Variants in ETNK2 observed in about 807,000 individuals in gnomAD.
ETNK2 encodes ethanolamine kinase 2.
ETNK2 carries 33 observed loss-of-function variants against 46.2 expected under a neutral mutation model. The ratio of observed to expected loss-of-function variants is 0.71; its 90% CI spans 0.54 to 0.96. The LOEUF is 0.96. Ranked by LOEUF, ETNK2 falls within the 40% of genes least tolerant of loss-of-function variation. The pLI is 0.00. For missense variants in ETNK2, 445 were observed against 509.7 expected (o/e 0.87, Z 1.22); for synonymous variants, 194 against 209.0 (o/e 0.93, Z 0.62).
At chr1:204,142,791 C>G (rs973681732) in intron 3 of ETNK2, 5 of 152,256 alleles carry the variant, frequency 3.3e-5, no homozygotes, top group Admixed American at 6.5e-5. Flanking sequence ...TCCTCTGCCC[C>G]CTCTGGAGAA....
At chr1:204,136,166 T>G (rs1417390771) in intron 6 of ETNK2, among the ~76,000 whole-genome samples, 1 of 151,908 alleles carries the variant, frequency 6.6e-6, no homozygotes, top group African/African-American at 2.4e-5. Flanking sequence ...GAGGCTGAGG[T>G]GGGAGGATCA....
intron 2 of ETNK2, among the ~76,000 whole-genome samples, chr1:204,149,249 G>T (rs867871597): frequency 6.6e-6 from 1 of 152,216 alleles, no homozygotes; most frequent in South Asian, 2.1e-4. Flanking sequence ...TGGCAGAAGA[G>T]ATAGCATCTC....
In ETNK2 at chr1:204,152,013, G is replaced by T. The variant is rs905799718; in HGVS notation, c.-161C>A. The T allele has an allele frequency of 4.1e-6, 3 of 735,432 alleles. No homozygotes were observed. The highest frequency in any genetic ancestry group is 5.6e-6 in the Non-Finnish European group (3 of 534,720). The allele number at this position is 735,432 out of a possible 1,614,324, so 45.6% of individuals were successfully genotyped here. ...GGCTCGCGGCCCGCCGCCCACCGCC[G>T]ACCCCGGAGCGCCGCGGCCCGCCGC... On this transcript the variant is annotated 5_prime_UTR_variant, in exon 1 of 8. Transcript: ENST00000367202. This position sits in a 1 kb window ranked among gnomAD's most constrained non-coding sequence, Gnocchi z 4.2.
intron 3 of ETNK2, 133 bp downstream of exon 3, chr1:204,146,509 C>T: frequency 9.6e-7 from 1 of 1,037,576 alleles, no homozygotes; most frequent in Non-Finnish European, 1.4e-6. Context: ...ACTGAAGGGA[C>T]TGCAGGAGAA....
rs768188076 is a variant in ETNK2, at chr1:204,149,827, G to A, written c.394C>T (p.Gln132Ter). 1 of 1,606,774 alleles carries A rather than the reference G, an allele frequency of 6.2e-7. No individual in the cohort carries two copies. ...VDRENEVRNF[Q>*]LLRAHSCAPK... The stretch of plus-strand genomic sequence containing the variant: ...GCACAGCTGTGTGCTCGCAGCAGCT[G>A]GAAGTTTCTGACCTCATTCTCCCGG... The change falls in exon 2 of 8, where the codon CAG becomes TAG. Residue 132 changes from glutamine to a stop codon, truncating the protein, a stop_gained. Coordinates refer to ENST00000367202, the MANE Select transcript of ETNK2 (RefSeq NM_018208.4). LOFTEE classifies it high-confidence loss of function.
At chr1:204,133,481 CT>C (rs55983645) in intron 7 of ETNK2, among the ~76,000 whole-genome samples, 48 of 143,860 alleles carry the variant, frequency 3.3e-4, no homozygotes, top group Middle Eastern at 7.0e-3. Flanking sequence ...CCATGCTTTG[CT>C]TTTTTTTTTA....
intron 3 of ETNK2, among the ~76,000 whole-genome samples, chr1:204,144,206 C>CTAATTA (rs1657678869): frequency 6.6e-6 from 1 of 151,664 alleles, no homozygotes. Context: ...ATTAGCCGGG[C>CTAATTA]GTGGTGGTGG....
intron 4 of ETNK2, chr1:204,141,096 G>A (rs1273526384): frequency 1.5e-6 from 1 of 664,618 alleles, no homozygotes; most frequent in Non-Finnish European, 2.8e-6. Context: ...AAACTGCTGG[G>A]ATTATAGGCA....
At chr1:204,134,647 A>G in intron 6 of ETNK2, 59 bp from the exon 7 acceptor site, 3 of 1,614,004 alleles carry the variant, frequency 1.9e-6, no homozygotes, top group Non-Finnish European at 2.5e-6. Flanking sequence ...TTCCGACTCT[A>G]CAGCACTGGA....
chr1:204,137,067 T>C, intron 6 of ETNK2, 37 bp downstream of exon 6: 3 of 1,609,044 alleles, frequency 1.9e-6, no homozygotes, highest in Middle Eastern at 1.7e-4. Flanking sequence ...TGCTAACTCC[T>C]CCTTTCCTGC....
chr1:204,135,389 T>A (rs1025704916), intron 6 of ETNK2, among the ~76,000 whole-genome samples: 1 of 151,994 alleles, frequency 6.6e-6, no homozygotes, highest in Non-Finnish European at 1.5e-5. Context: ...GTTACCTATA[T>A]AACAAACCTG....
rs750284336 is a variant in ETNK2 at position 204,140,072 on chromosome 1, T to C, written c.831A>G (p.Gln277=). 1 of 1,613,898 alleles carries C rather than the reference T, an allele frequency of 6.2e-7. No individual in the cohort carries two copies. Among genetic ancestry groups the C allele is most frequent in the South Asian group, 1.1e-5 (1 of 91,078 alleles). The change falls in exon 5 of 8, where the codon CAA becomes CAG. Residue 277 remains glutamine (Q), a synonymous_variant. Transcript: ENST00000367202. The part of the protein sequence containing the change: ...IDYEYAGYNY[Q]AFDIGNHFNE... ...TGAAATGGTTGCCAATGTCAAAAGC[T>C]TGGTAGTTGTAGCCAGCATATTCAT...
rs111395792 is a variant in ETNK2, at chr1:204,140,530, C to CTT, written c.785-414_785-413dup. Among the ~76,000 whole-genome samples, 50 of 146,420 alleles carry CTT rather than the reference C, an allele frequency of 3.4e-4. 1 individual carries two copies. The highest frequency in any genetic ancestry group is 2.4e-3 in the East Asian group (12 of 5,052). On this transcript the variant is annotated intron_variant, in intron 4 of 7. Transcript: ENST00000367202. ...CAGATTTTTGTTTGTTTGTTTTTGT[C>CTT]TTTTTTTTTTTTGAGACAGAGTCTC...
At chr1:204,134,953 C>T (rs997940597) in intron 6 of ETNK2, among the ~76,000 whole-genome samples, 6 of 152,252 alleles carry the variant, frequency 3.9e-5, no homozygotes, top group African/African-American at 1.4e-4. Context: ...GTCTTCAAGG[C>T]CAAGGTAGGA....
chr1:204,141,475 A>G lies in ETNK2; in HGVS notation c.642-18T>C, dbSNP rs766508142. 6.4e-7 allele frequency: 1 copy of G among 1,562,644 alleles called. No homozygotes were observed. The highest frequency in any genetic ancestry group is 8.7e-7 in the Non-Finnish European group (1 of 1,153,278). On this transcript the variant is annotated intron_variant, in intron 3 of 7. Transcript: ENST00000367202. ...CAGAAAGGCTGGGCAGTGGCAAAAAAGGTAGCCAGTGAAAGGAGGGCTGAT... is the reference window on the plus strand; with the variant it reads ...CAGAAAGGCTGGGCAGTGGCAAAAAGGGTAGCCAGTGAAAGGAGGGCTGAT...
Position 204,149,884 on chromosome 1 carries a change from C to A in ETNK2, c.337G>T (p.Val113Leu). 1.3e-6 allele frequency: 2 copies of A among 1,589,350 alleles called. No individual in the cohort carries two copies. The highest frequency in any genetic ancestry group is 1.7e-6 in the Non-Finnish European group (2 of 1,167,994). Reference protein sequence around the residue: ...EDMQDCVLVRVYGERTELLVD... With the variant: ...EDMQDCVLVRLYGERTELLVD... ...AGCAGCTCCGTCCGCTCCCCATACA[C>A]CCGGACCAGCACGCAGTCCTGCATG... Residue 113 changes from valine (V) to leucine (L), a missense_variant, in exon 2 of 8, where the codon GTG becomes TTG. Transcript: ENST00000367202.
intron 5 of ETNK2, among the ~76,000 whole-genome samples, chr1:204,138,224 A>G (rs1295400010): frequency 6.6e-6 from 1 of 152,022 alleles, no homozygotes; most frequent in Non-Finnish European, 1.5e-5. Context: ...TCATCTCCCA[A>G]TGCCCAGAAC....
intron 3 of ETNK2, among the ~76,000 whole-genome samples, chr1:204,144,312 C>T (rs1657684389): frequency 8.3e-6 from 1 of 120,592 alleles, no homozygotes; most frequent in Non-Finnish European, 1.6e-5. Context: ...TGCCACTGGA[C>T]TCCAGCCTGG....
intron 6 of ETNK2, chr1:204,134,826 T>C (rs1322713776): frequency 4.5e-6 from 4 of 883,408 alleles, no homozygotes; most frequent in Non-Finnish European, 6.9e-6. Flanking sequence ...GAGGCCCTAA[T>C]GTTTACCAAC....
Sources: gnomAD v4.1 joint callset for allele counts (sites outside exome capture counted in the v4.1 genomes callset) on GRCh38, gnomAD v4.1.1 for gene constraint, Gnocchi (gnomAD v3.1) non-coding constraint, MANE v1.5 for transcripts, NCBI Gene and HGNC (gene_info 2026-07-23, HGNC 2026-07-21) for gene names.